THSD7B: variants seen among roughly 807,000 people sequenced by gnomAD.
THSD7B encodes thrombospondin type-1 domain-containing protein 7B.
A neutral mutation model predicts 213.6 loss-of-function variants in THSD7B; 138 were observed. The ratio of observed to expected loss-of-function variants is 0.65; its 90% CI spans 0.56 to 0.74. The LOEUF (loss-of-function observed/expected upper bound fraction) is 0.74, where lower values mean the gene tolerates loss of function less well. Ranked by LOEUF, THSD7B falls within the 30% of genes least tolerant of loss-of-function variation. The pLI is 0.00. For synonymous variants in THSD7B, 742 were observed against 687.0 expected, an observed-to-expected ratio of 1.08 and a Z score of -1.25; for missense variants, 1,931 against 1,991.5, an observed-to-expected ratio of 0.97 and a Z score of 0.58.
At chr2:136,860,577 T>G (rs2104971983) in intron 1 of THSD7B, among the ~76,000 whole-genome samples, 1 of 152,314 alleles carries the variant, frequency 6.6e-6, no homozygotes, top group African/African-American at 2.4e-5. Context: ...GTTGGAGTCA[T>G]CCTTGATTCT....
intron 3 of THSD7B, among the ~76,000 whole-genome samples, chr2:137,080,936 G>A (rs905720290): frequency 6.6e-6 from 1 of 152,138 alleles, no homozygotes; most frequent in Non-Finnish European, 1.5e-5. Flanking sequence ...ACAATATACA[G>A]TGTTTTCTGA....
intron 12 of THSD7B, among the ~76,000 whole-genome samples, 152 bp downstream of exon 12, chr2:137,276,178 G>C (rs1338075584): frequency 7.0e-6 from 1 of 142,406 alleles, no homozygotes; most frequent in African/African-American, 2.6e-5. Flanking sequence ...ATAGGATTTG[G>C]CATAGTTAGC....
chr2:137,608,155 C>T (rs1401555484), intron 17 of THSD7B, among the ~76,000 whole-genome samples: 1 of 152,160 alleles, frequency 6.6e-6, no homozygotes, highest in Non-Finnish European at 1.5e-5. Flanking sequence ...GTGGGCTCCT[C>T]AAAGGCAGGC....
chr2:137,241,565 C>T (rs1341981097), intron 9 of THSD7B, among the ~76,000 whole-genome samples: 1 of 152,100 alleles, frequency 6.6e-6, no homozygotes, highest in Non-Finnish European at 1.5e-5. Context: ...TTGTTATTAA[C>T]AGGCTGTCAT....
chr2:137,571,724 C>T (rs989021006), intron 16 of THSD7B, among the ~76,000 whole-genome samples: 2 of 152,150 alleles, frequency 1.3e-5, no homozygotes, highest in African/African-American at 4.8e-5. Flanking sequence ...GTACTTATCT[C>T]AAAACCTGAC....
intron 2 of THSD7B, among the ~76,000 whole-genome samples, chr2:136,920,053 T>G (rs1444479574): frequency 1.3e-5 from 2 of 152,266 alleles, no homozygotes; most frequent in Non-Finnish European, 2.9e-5. Flanking sequence ...CCTAAAGGGC[T>G]GCAGCTCTTC....
intron 2 of THSD7B, among the ~76,000 whole-genome samples, chr2:137,033,920 C>T (rs1203065985): frequency 6.6e-6 from 1 of 152,106 alleles, no homozygotes; most frequent in Admixed American, 6.5e-5. Flanking sequence ...AGGTATTTCT[C>T]CCAATGCTAT....
intron 1 of THSD7B, among the ~76,000 whole-genome samples, chr2:136,862,404 G>T (rs1683269585): frequency 6.6e-6 from 1 of 152,132 alleles, no homozygotes. Context: ...GCCATTTTGG[G>T]TCCCCTTCTA....
chr2:137,294,997 A>G (rs367706335), intron 12 of THSD7B, among the ~76,000 whole-genome samples: 15 of 152,116 alleles, frequency 9.9e-5, no homozygotes, highest in East Asian at 7.7e-4. Context: ...ACATGTACCT[A>G]TCCATGTACC....
intron 14 of THSD7B, among the ~76,000 whole-genome samples, chr2:137,440,323 C>T (rs903469553): frequency 3.9e-5 from 6 of 152,048 alleles, no homozygotes; most frequent in South Asian, 2.1e-4. Flanking sequence ...GAGTCTGGCT[C>T]CTTTTGAAGA....
chr2:137,080,273 T>C (rs1687718170), intron 3 of THSD7B, among the ~76,000 whole-genome samples: 1 of 151,582 alleles, frequency 6.6e-6, no homozygotes, highest in South Asian at 2.1e-4. Flanking sequence ...CAATCTTAGC[T>C]CACTGCAACC....
intron 2 of THSD7B, among the ~76,000 whole-genome samples, chr2:137,045,617 G>T (rs892800084): frequency 6.6e-6 from 1 of 152,182 alleles, no homozygotes; most frequent in African/African-American, 2.4e-5. Flanking sequence ...TAGTAAGCTG[G>T]TATAATAGAA....
chr2:137,493,501 C>T (rs1317611398), intron 15 of THSD7B, among the ~76,000 whole-genome samples: 1 of 152,194 alleles, frequency 6.6e-6, no homozygotes, highest in Non-Finnish European at 1.5e-5. Flanking sequence ...TTACTTTACA[C>T]ACTCGTACGG....
At chr2:136,782,524 G>C (rs1186714766) in intron 1 of THSD7B, among the ~76,000 whole-genome samples, 11 of 152,042 alleles carry the variant, frequency 7.2e-5, no homozygotes, top group Admixed American at 7.2e-4. Flanking sequence ...TTGTTCACCT[G>C]GTGCTTCTGC....
At chr2:136,801,466 A>G (rs1682177074) in intron 1 of THSD7B, among the ~76,000 whole-genome samples, 1 of 152,088 alleles carries the variant, frequency 6.6e-6, no homozygotes, top group Non-Finnish European at 1.5e-5. Context: ...TCAAGAAAGC[A>G]AAATGATAGG....
chr2:137,386,108 C>G (rs1685887789), intron 12 of THSD7B, among the ~76,000 whole-genome samples: 1 of 152,156 alleles, frequency 6.6e-6, no homozygotes, highest in South Asian at 2.1e-4. Flanking sequence ...GCTTGTTTCT[C>G]TGCACACCTT....
intron 10 of THSD7B, among the ~76,000 whole-genome samples, chr2:137,249,247 C>G (rs1169628230): frequency 6.6e-6 from 1 of 151,626 alleles, no homozygotes; most frequent in Non-Finnish European, 1.5e-5. Context: ...TTATTTTTTC[C>G]TATATATTTT....
chr2:136,841,438 A>G (rs1439350244), intron 1 of THSD7B, among the ~76,000 whole-genome samples: 1 of 151,390 alleles, frequency 6.6e-6, no homozygotes, highest in Non-Finnish European at 1.5e-5. Context: ...CACTAAAAAT[A>G]CAAAAAAAAA....
rs773472164 is a variant in THSD7B, at chr2:137,411,670, A to G, written c.2757A>G (p.Glu919=). 3.7e-6 allele frequency: 6 copies of G among 1,614,016 alleles called. No homozygotes were observed. The highest frequency in any genetic ancestry group is 4.2e-6 in the Non-Finnish European group (5 of 1,179,894). ...DSDLYPLVET[E]LCPCDEFISQ... ...ACCTTTACCCTCTAGTGGAGACAGA[A>G]CTATGTCCTTGTGATGAATTTATAT... The change falls in exon 14 of 28, where the codon GAA becomes GAG. Residue 919 remains glutamate, a synonymous_variant. Coordinates refer to ENST00000409968, the MANE Select transcript of THSD7B (RefSeq NM_001316349.2).
Sources: gnomAD v4.1 joint callset for allele counts (sites outside exome capture counted in the v4.1 genomes callset) on GRCh38, gnomAD v4.1.1 for gene constraint, MANE v1.5 for transcripts, NCBI Gene and HGNC (gene_info 2026-07-23, HGNC 2026-07-21) for gene names.